OTUD1: variants seen among roughly 807,000 people sequenced by gnomAD.
The protein encoded by OTUD1 is OTU domain-containing protein 1.
OTUD1 carries 15 observed loss-of-function variants against 30.0 expected under a neutral mutation model. The observed-to-expected ratio is 0.50, with a 90% CI of 0.33 to 0.77. The LOEUF (loss-of-function observed/expected upper bound fraction) is 0.77, where lower values mean the gene tolerates loss of function less well. OTUD1 is among the 30% of genes least tolerant of loss of function. OTUD1 has a pLI of 0.02. For missense variants in OTUD1, 796 were observed against 697.8 expected (o/e 1.14, Z -1.59); for synonymous variants, 381 against 326.3 (o/e 1.17, Z -1.81).
chr10:23,439,953 TG>T lies in OTUD1; in HGVS notation c.498del (p.Trp166CysfsTer30). 8.0e-7 allele frequency: 1 copy of T among 1,250,158 alleles called. No individual in the cohort carries two copies. The highest frequency in any genetic ancestry group is 3.2e-5 in the South Asian group (1 of 31,162). The allele number at this position is 1,250,158 out of a possible 1,614,324, so 77.4% of individuals were successfully genotyped here. On this transcript the variant is annotated frameshift_variant, in exon 1 of 1. Coordinates refer to ENST00000376495, the MANE Select transcript of OTUD1 (RefSeq NM_001145373.3). LOFTEE classifies it high-confidence loss of function. ...CCCGCCGCGGCGGGGCTCCTCGGCC[TG>T]GCTCCTGGAGGAGCTGCTGCGGCCC... ...PVPPRRGSSA[W>X]LLEELLRPDC...
Position 23,439,494 on chromosome 10 carries a change from G to C in OTUD1, c.37G>C (p.Ala13Pro). ...CAGCAGCGTCTGCACCCACTACCCC[G>C]CCGGGGCCCCGGGTCCCACGGCCGC... The part of the protein sequence containing the change: ...LYSSVCTHYP[A>P]GAPGPTAAAP... Residue 13 changes from alanine to proline, a missense_variant, in exon 1 of 1, where the codon GCC (alanine) becomes CCC (proline). By Grantham distance (27) the Ala-to-Pro change is conservative. Transcript: ENST00000376495. 1 of 1,368,436 alleles carries C rather than the reference G, an allele frequency of 7.3e-7. No individual in the cohort carries two copies. Among genetic ancestry groups the C allele is most frequent in the Non-Finnish European group, 9.4e-7 (1 of 1,061,016 alleles). 84.8% of individuals were successfully genotyped at this position (1,368,436 alleles called of 1,614,324 possible).
In OTUD1 at chr10:23,439,532, A is replaced by G. The variant is rs925278140; in HGVS notation, c.75A>G (p.Pro25=). ...GTCCCACGGCCGCCGCCCCCGCGCC[A>G]CCCGCCGCCGCTACCCCCTTCAAGG... ...APGPTAAAPA[P]PAAATPFKVS... The change falls in exon 1 of 1, where the codon CCA becomes CCG. Residue 25 remains proline (P), a synonymous_variant. Transcript: ENST00000376495. 2 of 1,359,044 alleles carry G rather than the reference A, an allele frequency of 1.5e-6. No homozygotes were observed. Among genetic ancestry groups the G allele is most frequent in the Admixed American group, 3.3e-5 (1 of 30,716 alleles). The allele number at this position is 1,359,044 out of a possible 1,614,324, so 84.2% of individuals were successfully genotyped here.
Position 23,439,518 on chromosome 10 carries a change from G to A in OTUD1, c.61G>A (p.Ala21Thr), listed in dbSNP as rs1314474047. Residue 21 changes from alanine (A) to threonine (T), a missense_variant, in exon 1 of 1, where the codon GCC (alanine) becomes ACC (threonine). Coordinates refer to ENST00000376495, the MANE Select transcript of OTUD1 (RefSeq NM_001145373.3). ...CGCCGGGGCCCCGGGTCCCACGGCC[G>A]CCGCCCCCGCGCCACCCGCCGCCGC... ...YPAGAPGPTA[A>T]APAPPAAATP... 2.2e-6 allele frequency: 3 copies of A among 1,367,324 alleles called. No individual in the cohort carries two copies. Among genetic ancestry groups the A allele is most frequent in the Non-Finnish European group, 2.8e-6 (3 of 1,059,950 alleles). The allele number at this position is 1,367,324 out of a possible 1,614,324, so 84.7% of individuals were successfully genotyped here.
In OTUD1 at chr10:23,440,465, C is replaced by G; in HGVS notation, c.1008C>G (p.His336Gln). 4 of 1,551,706 alleles carry G rather than the reference C, an allele frequency of 2.6e-6. No individual in the cohort carries two copies. The highest frequency in any genetic ancestry group is 2.6e-6 in the Non-Finnish European group (3 of 1,147,000). ...CGGTGTATGGGGACCAGAGCCTGCA[C>G]CGGGAGTTGAGGGAGCAGACGGTGC... is the stretch of plus-strand genomic sequence containing the variant. ...SKTVYGDQSL[H>Q]RELREQTVHY... The change falls in exon 1 of 1, where the codon CAC (histidine) becomes CAG (glutamine). Residue 336 changes from histidine (H) to glutamine (Q), a missense_variant. By Grantham distance (24) the His-to-Gln change is conservative (BLOSUM62 0). Coordinates refer to ENST00000376495, the MANE Select transcript of OTUD1 (RefSeq NM_001145373.3).
rs1233782609 is a variant in OTUD1 at position 23,440,797 on chromosome 10, A to G, written c.1340A>G (p.Asn447Ser). The change falls in exon 1 of 1, where the codon AAC becomes AGC. Residue 447 changes from asparagine to serine, a missense_variant. Asn to Ser is a conservative substitution (Grantham distance 46). Transcript: ENST00000376495. Reference sequence around the variant, plus strand: ...TCCTATCCTAACCCAGAGTACGACAACTGGTGCAAACAAACTCAAGTGCAA... The same window carrying G: ...TCCTATCCTAACCCAGAGTACGACAGCTGGTGCAAACAAACTCAAGTGCAA... The part of the protein sequence containing the change: ...DHSYPNPEYD[N>S]WCKQTQVQRK... 6.4e-7 allele frequency: 1 copy of G among 1,552,198 alleles called. No individual in the cohort carries two copies. Among genetic ancestry groups the G allele is most frequent in the Admixed American group, 2.0e-5 (1 of 51,008 alleles).
Position 23,440,967 on chromosome 10 carries a change from T to C in OTUD1, c.*64T>C. ...TATAACTTGTGTTTGGAGAATCACA[T>C]GAACTTTAATCAGGGTAATAGCACT... On this transcript the variant is annotated 3_prime_UTR_variant, in exon 1 of 1. Transcript: ENST00000376495. 6.8e-7 allele frequency: 1 copy of C among 1,468,938 alleles called. No homozygotes were observed. The highest frequency in any genetic ancestry group is 9.1e-7 in the Non-Finnish European group (1 of 1,095,192). The allele number at this position is 1,468,938 out of a possible 1,614,324, so 91.0% of individuals were successfully genotyped here.
Position 23,440,786 on chromosome 10 carries a change from A to G in OTUD1, c.1329A>G (p.Pro443=). Residue 443 remains proline (P), a synonymous_variant, in exon 1 of 1, where the codon CCA becomes CCG. Transcript: ENST00000376495. Reference sequence around the variant, plus strand: ...TATTTGATCACTCCTATCCTAACCCAGAGTACGACAACTGGTGCAAACAAA... The same window carrying G: ...TATTTGATCACTCCTATCCTAACCCGGAGTACGACAACTGGTGCAAACAAA... ...DAVFDHSYPN[P]EYDNWCKQTQ... 2 of 1,552,202 alleles carry G rather than the reference A, an allele frequency of 1.3e-6. No homozygotes were observed. Among genetic ancestry groups the G allele is most frequent in the Non-Finnish European group, 1.7e-6 (2 of 1,147,094 alleles).
At position 23,441,520 on chromosome 10, in the gene OTUD1, T is replaced by C. The variant is rs921649262; in HGVS notation, c.*617T>C. 1 of 167,016 alleles carries C rather than the reference T, an allele frequency of 6.0e-6. No homozygotes were observed. The highest frequency in any genetic ancestry group is 1.5e-5 in the Non-Finnish European group (1 of 68,134). The allele number at this position is 167,016 out of a possible 1,614,324, so 10.3% of individuals were successfully genotyped here. Reference sequence around the variant, plus strand: ...TATTTTTCTAGAAATGGCGAATCTTTTAAAGAAAATTACTTAATGGAAGGT... The same window carrying C: ...TATTTTTCTAGAAATGGCGAATCTTCTAAAGAAAATTACTTAATGGAAGGT... On this transcript the variant is annotated 3_prime_UTR_variant, in exon 1 of 1. Transcript: ENST00000376495.
rs1435334834 is a variant in OTUD1 at position 23,439,687 on chromosome 10, C to G, written c.230C>G (p.Ser77Cys). 1.6e-6 allele frequency: 2 copies of G among 1,280,924 alleles called. No homozygotes were observed. The allele number at this position is 1,280,924 out of a possible 1,614,324, so 79.3% of individuals were successfully genotyped here. A position where few individuals can be genotyped will look rare whatever the true frequency, so the allele number is the denominator to read the frequency against. ...VPAAKMPAFS[S>C]CFEVVSGAAA... Reference sequence around the variant, plus strand: ...GCCGCCAAGATGCCCGCCTTCTCCTCCTGCTTCGAGGTGGTGTCCGGGGCC... The same window carrying G: ...GCCGCCAAGATGCCCGCCTTCTCCTGCTGCTTCGAGGTGGTGTCCGGGGCC... Residue 77 changes from serine to cysteine, a missense_variant, in exon 1 of 1, where the codon TCC becomes TGC. Ser to Cys is a moderately radical substitution (Grantham distance 112). Coordinates refer to ENST00000376495, the MANE Select transcript of OTUD1 (RefSeq NM_001145373.3).
chr10:23,439,928 C>A lies in OTUD1; in HGVS notation c.471C>A (p.Val157=). ...TCGCCCCGGCGCCCGCAGCCCCGGT[C>A]CCGCCGCGGCGGGGCTCCTCGGCCT... The part of the protein sequence containing the change: ...LLLAPAPAAP[V]PPRRGSSAWL... Residue 157 remains valine (V), a synonymous_variant, in exon 1 of 1, where the codon GTC becomes GTA. Transcript: ENST00000376495. The A allele has an allele frequency of 1.6e-5, 19 of 1,222,954 alleles. No homozygotes were observed. The highest frequency in any genetic ancestry group is 1.8e-5 in the Non-Finnish European group (18 of 984,582). 75.8% of individuals were successfully genotyped at this position (1,222,954 alleles called of 1,614,324 possible). A position where few individuals can be genotyped will look rare whatever the true frequency, so the allele number is the denominator to read the frequency against.
chr10:23,439,993 C>T lies in OTUD1; in HGVS notation c.536C>T (p.Pro179Leu). Residue 179 changes from proline to leucine, a missense_variant, in exon 1 of 1, where the codon CCC becomes CTC. By Grantham distance (98) the Pro-to-Leu change is moderately conservative. Transcript: ENST00000376495. ...CTGCTGCGGCCCGACTGCCCCGAGC[C>T]CGCGGGCTTGGACGCGACACGGGAG... ...EELLRPDCPE[P>L]AGLDATREGP... 2 of 1,371,416 alleles carry T rather than the reference C, an allele frequency of 1.5e-6. No homozygotes were observed. Among genetic ancestry groups the T allele is most frequent in the Non-Finnish European group, 1.9e-6 (2 of 1,065,088 alleles). The allele number at this position is 1,371,416 out of a possible 1,614,324, so 85.0% of individuals were successfully genotyped here.
At position 23,441,107 on chromosome 10, in the gene OTUD1, G is replaced by A; in HGVS notation, c.*204G>A. 3.3e-6 allele frequency: 2 copies of A among 597,850 alleles called. No individual in the cohort carries two copies. The highest frequency in any genetic ancestry group is 5.9e-6 in the Non-Finnish European group (2 of 338,496). The allele number at this position is 597,850 out of a possible 1,614,324, so 37.0% of individuals were successfully genotyped here. On this transcript the variant is annotated 3_prime_UTR_variant, in exon 1 of 1. Transcript: ENST00000376495. ...AAATGATGTTTCATGATAGCTTTGG[G>A]TGATTTTACTGCTATTTATAATTTG...
chr10:23,441,210 T>C lies in OTUD1; in HGVS notation c.*307T>C. 3.3e-6 allele frequency: 1 copy of C among 303,308 alleles called. No individual in the cohort carries two copies. The highest frequency in any genetic ancestry group is 6.5e-6 in the Non-Finnish European group (1 of 153,940). 18.8% of individuals were successfully genotyped at this position (303,308 alleles called of 1,614,324 possible). ...TTTGTTCATTCCTGGTAGTCTATTT[T>C]CTATAAAAATGTATTTTTGCACAAC... On this transcript the variant is annotated 3_prime_UTR_variant, in exon 1 of 1. Transcript: ENST00000376495.
rs1352067584 is a variant in OTUD1, at chr10:23,439,444, C to T, written c.-14C>T. The T allele has an allele frequency of 8.6e-6, 11 of 1,276,142 alleles. No homozygotes were observed. Among genetic ancestry groups the T allele is most frequent in the African/African-American group, 1.6e-5 (1 of 64,028 alleles). The allele number at this position is 1,276,142 out of a possible 1,614,324, so 79.1% of individuals were successfully genotyped here. A position where few individuals can be genotyped will look rare whatever the true frequency, so the allele number is the denominator to read the frequency against. ...CTCGCCGCGCCTATAAGGGGCCGAG[C>T]GGCGGGCAGGGACATGCAGCTCTAC... is the stretch of plus-strand genomic sequence containing the variant. On this transcript the variant is annotated 5_prime_UTR_variant, in exon 1 of 1. Coordinates refer to ENST00000376495, the MANE Select transcript of OTUD1 (RefSeq NM_001145373.3).
chr10:23,441,417 G>A lies in OTUD1; in HGVS notation c.*514G>A, dbSNP rs1382384004. 5.9e-6 allele frequency: 1 copy of A among 168,068 alleles called. No homozygotes were observed. Among genetic ancestry groups the A allele is most frequent in the Non-Finnish European group, 1.5e-5 (1 of 68,954 alleles). The allele number at this position is 168,068 out of a possible 1,614,324, so 10.4% of individuals were successfully genotyped here. ...CAATTCTTAGATAATTATTTCAAAT[G>A]GATATTGATGCATTCTTGTTACCAG... On this transcript the variant is annotated 3_prime_UTR_variant, in exon 1 of 1. Coordinates refer to ENST00000376495, the MANE Select transcript of OTUD1 (RefSeq NM_001145373.3).
Position 23,439,786 on chromosome 10 carries a change from C to A in OTUD1, c.329C>A (p.Ser110Tyr). The change falls in exon 1 of 1, where the codon TCC becomes TAC. Residue 110 changes from serine (S) to tyrosine (Y), a missense_variant. Ser to Tyr is a moderately radical substitution (Grantham distance 144). Coordinates refer to ENST00000376495, the MANE Select transcript of OTUD1 (RefSeq NM_001145373.3). The part of the protein sequence containing the change: ...CKPPLPPHYT[S>Y]TAQITVRALG... The stretch of plus-strand genomic sequence containing the variant: ...CCGCCGCTGCCGCCGCACTACACGT[C>A]CACCGCACAGATCACCGTGCGGGCC... 1 of 1,153,086 alleles carries A rather than the reference C, an allele frequency of 8.7e-7. No individual in the cohort carries two copies. Among genetic ancestry groups the A allele is most frequent in the East Asian group, 5.2e-5 (1 of 19,302 alleles). 71.4% of individuals were successfully genotyped at this position (1,153,086 alleles called of 1,614,324 possible). A position where few individuals can be genotyped will look rare whatever the true frequency, so the allele number is the denominator to read the frequency against.
Position 23,441,005 on chromosome 10 carries a change from A to G in OTUD1, c.*102A>G. 2 of 1,282,332 alleles carry G rather than the reference A, an allele frequency of 1.6e-6. No homozygotes were observed. The highest frequency in any genetic ancestry group is 2.1e-6 in the Non-Finnish European group (2 of 942,122). The allele number at this position is 1,282,332 out of a possible 1,614,324, so 79.4% of individuals were successfully genotyped here. ...GGGTAATAGCACTTTCAAACTTGCT[A>G]GTAGATTTTACTGTAGGTGTAATGC... On this transcript the variant is annotated 3_prime_UTR_variant, in exon 1 of 1. Transcript: ENST00000376495.
chr10:23,439,784 G>A lies in OTUD1; in HGVS notation c.327G>A (p.Thr109=), dbSNP rs990774522. The change falls in exon 1 of 1, where the codon ACG becomes ACA. Residue 109 remains threonine, a synonymous_variant. Transcript: ENST00000376495. ...SCKPPLPPHY[T]STAQITVRAL... is the part of the protein sequence containing the mutation. ...AGCCGCCGCTGCCGCCGCACTACAC[G>A]TCCACCGCACAGATCACCGTGCGGG... is the stretch of plus-strand genomic sequence containing the variant. The A allele has an allele frequency of 3.0e-5, 35 of 1,156,452 alleles. No homozygotes were observed. The highest frequency in any genetic ancestry group is 3.6e-5 in the Non-Finnish European group (34 of 941,488). 71.6% of individuals were successfully genotyped at this position (1,156,452 alleles called of 1,614,324 possible).
In OTUD1 at chr10:23,440,910, T is replaced by G; in HGVS notation, c.*7T>G. On this transcript the variant is annotated 3_prime_UTR_variant, in exon 1 of 1. Coordinates refer to ENST00000376495, the MANE Select transcript of OTUD1 (RefSeq NM_001145373.3). ...ACAAAATGCATGCTCTTGAAATGTC[T>G]CAAAACCTTACACCCTGGGAATAAT... 7.1e-6 allele frequency: 11 copies of G among 1,546,726 alleles called. No individual in the cohort carries two copies. The highest frequency in any genetic ancestry group is 8.7e-6 in the Non-Finnish European group (10 of 1,144,540).
Sources: allele counts gnomAD v4.1 joint callset, GRCh38; gene constraint gnomAD v4.1.1; transcripts MANE v1.5; gene names NCBI Gene and HGNC (gene_info 2026-07-23, HGNC 2026-07-21).